The following PDE4D variants were observed in gnomAD, a reference collection of about 807,000 sequenced individuals.
The protein encoded by PDE4D is phosphodiesterase 4D, also known as 3',5'-cyclic-AMP phosphodiesterase 4D.
In PDE4D, 24 loss-of-function variants were observed where a neutral mutation model predicts 87.4. The ratio of observed to expected loss-of-function variants is 0.27; its 90% confidence interval spans 0.20 to 0.39. The LOEUF (loss-of-function observed/expected upper bound fraction) is 0.39. Ranked by LOEUF, PDE4D falls within the 10% of genes least tolerant of loss-of-function variation. The pLI, the probability that PDE4D is intolerant of heterozygous loss-of-function variation, is 1.00. For missense variants in PDE4D, 714 were observed against 1,041.0 expected, an observed-to-expected ratio of 0.69 and a Z score of 4.32; for synonymous variants, 384 against 383.2, an observed-to-expected ratio of 1.00 and a Z score of -0.02.
chr5:59,569,499 T>C (rs575914486), intron 1 of PDE4D, among the ~76,000 whole-genome samples: 1 of 152,210 alleles, frequency 6.6e-6, no homozygotes, highest in African/African-American at 2.4e-5. Context: ...ATCAATGTTA[T>C]CATCTACTTA....
intron 1 of PDE4D, among the ~76,000 whole-genome samples, chr5:60,391,813 C>T (rs1428924660): frequency 6.6e-6 from 1 of 152,150 alleles, no homozygotes; most frequent in African/African-American, 2.4e-5. Context: ...GGCCATTATT[C>T]TGCTCACATC....
At chr5:60,270,779 C>G (rs1342101296) in intron 1 of PDE4D, among the ~76,000 whole-genome samples, 1 of 152,160 alleles carries the variant, frequency 6.6e-6, no homozygotes, top group Non-Finnish European at 1.5e-5. Flanking sequence ...GAATTCAGCT[C>G]TGAAACAGTA....
intron 1 of PDE4D, among the ~76,000 whole-genome samples, chr5:59,830,410 C>G (rs987953169): frequency 1.3e-5 from 2 of 152,002 alleles, no homozygotes; most frequent in Middle Eastern, 3.2e-3. Flanking sequence ...TTAGTAATTT[C>G]TAAAAAAATC....
chr5:59,123,099 G>A (rs888714569), intron 5 of PDE4D, among the ~76,000 whole-genome samples: 4 of 151,458 alleles, frequency 2.6e-5, no homozygotes, highest in Admixed American at 2.0e-4. Context: ...TCCCAAAGCC[G>A]GTAGATGTCT....
intron 1 of PDE4D, among the ~76,000 whole-genome samples, chr5:60,483,268 A>G (rs1222485472): frequency 6.6e-6 from 1 of 152,168 alleles, no homozygotes; most frequent in Non-Finnish European, 1.5e-5. Context: ...GGCTTAAGTG[A>G]TCCTCCCACC....
chr5:59,305,998 C>A (rs188536518), intron 1 of PDE4D, among the ~76,000 whole-genome samples: 8 of 152,160 alleles, frequency 5.3e-5, no homozygotes, highest in Admixed American at 5.2e-4. Flanking sequence ...CTGAAGTCCC[C>A]CACTATTGTT....
At chr5:60,156,980 C>T (rs1782032243) in intron 2 of PDE4D, among the ~76,000 whole-genome samples, 2 of 152,052 alleles carry the variant, frequency 1.3e-5, no homozygotes, top group Admixed American at 6.5e-5. Context: ...GACTTTTGTG[C>T]AGCAAAAGAT....
At chr5:60,203,541 T>A (rs964932749) in intron 1 of PDE4D, among the ~76,000 whole-genome samples, 3 of 152,220 alleles carry the variant, frequency 2.0e-5, no homozygotes, top group African/African-American at 7.2e-5. Context: ...GGGTGGCTTT[T>A]CTCCTTTAAT....
At chr5:59,050,190 C>T (rs1454653159) in intron 5 of PDE4D, among the ~76,000 whole-genome samples, 1 of 152,154 alleles carries the variant, frequency 6.6e-6, no homozygotes, top group African/African-American at 2.4e-5. Flanking sequence ...TCACTTGAAC[C>T]CGGGAGGCGG....
At chr5:59,364,806 C>T (rs921337779) in intron 1 of PDE4D, among the ~76,000 whole-genome samples, 7 of 152,094 alleles carry the variant, frequency 4.6e-5, no homozygotes, top group Non-Finnish European at 1.0e-4. Flanking sequence ...GCCTCCCTTC[C>T]TTTTTTTCTT....
intron 5 of PDE4D, among the ~76,000 whole-genome samples, chr5:59,085,659 G>A (rs1767541482): frequency 1.3e-5 from 2 of 152,180 alleles, no homozygotes; most frequent in South Asian, 4.2e-4. Context: ...CAAAATGTGC[G>A]GATACCCTGG....
chr5:60,430,156 C>T (rs556423970), intron 1 of PDE4D: 39 of 524,460 alleles, frequency 7.4e-5, no homozygotes, highest in Admixed American at 1.5e-4. Flanking sequence ...CTGAGGGGCA[C>T]GCTTCTTGAA....
At chr5:59,093,291 C>G (rs1769076049) in intron 5 of PDE4D, among the ~76,000 whole-genome samples, 1 of 152,140 alleles carries the variant, frequency 6.6e-6, no homozygotes, top group African/African-American at 2.4e-5. Flanking sequence ...TGGATCCAAA[C>G]TAACTACTTC....
At chr5:59,229,852 G>T (rs924539755) in intron 1 of PDE4D, among the ~76,000 whole-genome samples, 2 of 152,208 alleles carry the variant, frequency 1.3e-5, no homozygotes, top group African/African-American at 4.8e-5. Context: ...AGGCTGGAGT[G>T]CAATGGTGCG....
chr5:60,463,232 C>T (rs1747095064), intron 1 of PDE4D, among the ~76,000 whole-genome samples: 2 of 152,150 alleles, frequency 1.3e-5, no homozygotes, highest in African/African-American at 2.4e-5. Flanking sequence ...CAGACGTGCA[C>T]ACCCTAGATG....
At chr5:59,720,220 G>A (rs1755633437) in intron 1 of PDE4D, among the ~76,000 whole-genome samples, 1 of 152,106 alleles carries the variant, frequency 6.6e-6, no homozygotes, top group Non-Finnish European at 1.5e-5. Flanking sequence ...GGAGTGCAGT[G>A]GCATGATTGT....
intron 5 of PDE4D, among the ~76,000 whole-genome samples, chr5:59,140,130 T>G (rs1266477894): frequency 6.6e-6 from 1 of 152,216 alleles, no homozygotes; most frequent in Non-Finnish European, 1.5e-5. Flanking sequence ...AATTCAAATA[T>G]GTGCAGATTC....
intron 2 of PDE4D, among the ~76,000 whole-genome samples, chr5:60,137,723 G>C (rs917572902): frequency 4.6e-5 from 7 of 152,002 alleles, no homozygotes; most frequent in African/African-American, 1.7e-4. Context: ...ACAATTTTCT[G>C]CCATTCTGTA....
At chr5:59,823,625 A>G (rs557410223) in intron 1 of PDE4D, among the ~76,000 whole-genome samples, 2 of 152,058 alleles carry the variant, frequency 1.3e-5, no homozygotes, top group South Asian at 2.1e-4. Flanking sequence ...TCTTTCTAAA[A>G]ATGTAAATCA....
Sources: allele counts gnomAD v4.1 joint callset (sites outside exome capture counted in the v4.1 genomes callset), GRCh38; gene constraint gnomAD v4.1.1; transcripts MANE v1.5; gene names NCBI Gene and HGNC (gene_info 2026-07-23, HGNC 2026-07-21).